Variants in EXD2 observed in about 807,000 individuals in gnomAD.
EXD2 encodes the protein exonuclease 3'-5' domain-containing protein 2.
EXD2 carries 40 observed loss-of-function variants against 62.5 expected under a neutral mutation model. That is an observed-to-expected ratio of 0.64 (90% CI 0.50 to 0.83). EXD2 has a LOEUF of 0.83. Ranked by LOEUF, EXD2 falls within the 40% of genes least tolerant of loss-of-function variation. The pLI is 0.00. For missense variants in EXD2, 671 were observed against 761.8 expected (o/e 0.88, Z 1.40); for synonymous variants, 239 against 291.9 (o/e 0.82, Z 1.85).
At chr14:69,238,253 C>T (rs1356924615) in intron 9 of EXD2, among the ~76,000 whole-genome samples, 4 of 152,144 alleles carry the variant, frequency 2.6e-5, no homozygotes, top group South Asian at 2.1e-4. Context: ...TCTATGCAGA[C>T]GTAAATCCTC....
At chr14:69,215,891 C>T (rs1384982219) in intron 3 of EXD2, among the ~76,000 whole-genome samples, 2 of 151,812 alleles carry the variant, frequency 1.3e-5, no homozygotes, top group Non-Finnish European at 1.5e-5. Flanking sequence ...CATATGAACC[C>T]TCCGGGAGTT....
At chr14:69,206,232 C>T (rs2042588853) in intron 2 of EXD2, among the ~76,000 whole-genome samples, 1 of 151,698 alleles carries the variant, frequency 6.6e-6, no homozygotes, top group African/African-American at 2.4e-5. Context: ...AGGAATTTTC[C>T]TCTTTCAAGG....
chr14:69,214,057 T>C (rs1057470961), intron 3 of EXD2: 4 of 152,218 alleles, frequency 2.6e-5, no homozygotes, highest in African/African-American at 9.6e-5. Flanking sequence ...TAAAGAGATT[T>C]TCTCTGGGTG....
intron 1 of EXD2, chr14:69,196,134 G>A (rs1390447885): frequency 6.6e-6 from 1 of 152,162 alleles, no homozygotes; most frequent in Non-Finnish European, 1.5e-5. Context: ...TCTTCAAATG[G>A]TCACCTTCCC....
At chr14:69,221,909 T>TAAAAAA (rs60647735) in intron 3 of EXD2, among the ~76,000 whole-genome samples, 39 of 52,056 alleles carry the variant, frequency 7.5e-4, no homozygotes, top group South Asian at 1.4e-3. Context: ...CTGTCTCTAC[T>TAAAAAA]AAAAAAAAAA....
intron 1 of EXD2, among the ~76,000 whole-genome samples, chr14:69,202,725 A>G (rs1310262038): frequency 6.6e-6 from 1 of 152,226 alleles, no homozygotes; most frequent in African/African-American, 2.4e-5. Context: ...TCTGAAAACA[A>G]ATATTCAGTT....
intron 3 of EXD2, among the ~76,000 whole-genome samples, chr14:69,212,250 G>A (rs531924573): frequency 7.2e-5 from 11 of 152,076 alleles, no homozygotes; most frequent in South Asian, 6.2e-4. Context: ...GGTAGCAGGC[G>A]CCTGTAATCC....
intron 1 of EXD2, among the ~76,000 whole-genome samples, chr14:69,201,714 G>A (rs1389514374): frequency 9.7e-6 from 1 of 103,538 alleles, no homozygotes; most frequent in Non-Finnish European, 1.7e-5. Flanking sequence ...ACAGAGTCTT[G>A]CTCTGTTGCC....
At chr14:69,213,309 C>T (rs1301743016) in intron 3 of EXD2, among the ~76,000 whole-genome samples, 2 of 150,878 alleles carry the variant, frequency 1.3e-5, no homozygotes, top group Non-Finnish European at 2.9e-5. Context: ...TCAAGTGATC[C>T]TCCTGCCTTG....
intron 9 of EXD2, among the ~76,000 whole-genome samples, chr14:69,238,872 C>T (rs1366389379): frequency 3.3e-5 from 5 of 152,142 alleles, no homozygotes; most frequent in Admixed American, 2.6e-4. Context: ...TGACCTCAAG[C>T]AATCCACCTG....
intron 3 of EXD2, 21 bp downstream of exon 3, chr14:69,209,824 T>TA (rs199733370): frequency 0.063 from 66,614 of 1,050,176 alleles, 11 homozygotes; most frequent in South Asian, 0.091. Context: ...AAGCAAAAGT[T>TA]AAAAAAAAAA....
Position 69,212,746 on chromosome 14 carries a change from C to T in EXD2, c.333+2943C>T, listed in dbSNP as rs1011581948. On this transcript the variant is annotated intron_variant, in intron 3 of 9. Coordinates refer to ENST00000685843, the MANE Select transcript of EXD2 (RefSeq NM_001193360.2). The stretch of plus-strand genomic sequence containing the variant: ...TTTTTGAGACAAGATCTTACTCTGT[C>T]ACCCAGGCTGGAGTGCAGTGGTGGG... Among the ~76,000 whole-genome samples the T allele has an allele frequency of 2.2e-5, 3 of 136,566 alleles. No homozygotes were observed. In the South Asian group the frequency reaches 7.1e-4, roughly 32 times the overall value. The allele number at this position is 136,566 out of a possible 152,430, so 89.6% of individuals were successfully genotyped here. A position where few individuals can be genotyped will look rare whatever the true frequency, so the allele number is the denominator to read the frequency against.
At chr14:69,193,661 G>A (rs117352495) in intron 1 of EXD2, among the ~76,000 whole-genome samples, 1,762 of 152,188 alleles carry the variant, frequency 0.012, 22 homozygotes, top group Non-Finnish European at 0.016. Context: ...GTTGTTGCTT[G>A]TCTTTTAACT....
chr14:69,220,440 T>C (rs1271910857), intron 3 of EXD2, among the ~76,000 whole-genome samples: 1 of 148,892 alleles, frequency 6.7e-6, no homozygotes. Flanking sequence ...CCGGCTAATT[T>C]TTTGTATTTT....
chr14:69,197,922 ATACTT>A (rs548031784), intron 1 of EXD2, among the ~76,000 whole-genome samples: 3 of 152,344 alleles, frequency 2.0e-5, no homozygotes, highest in African/African-American at 7.2e-5. Context: ...GATTAAATGA[ATACTT>A]TAATATGAGT....
At chr14:69,225,382 C>A (rs1036297053) in intron 3 of EXD2, among the ~76,000 whole-genome samples, 2 of 151,966 alleles carry the variant, frequency 1.3e-5, no homozygotes, top group Non-Finnish European at 2.9e-5. Context: ...ATGGATTATC[C>A]CCTGGCTCGT....
chr14:69,231,812 T>C (rs2043589227), intron 5 of EXD2, among the ~76,000 whole-genome samples: 1 of 130,812 alleles, frequency 7.6e-6, no homozygotes, highest in South Asian at 3.0e-4. Flanking sequence ...TTCTCTTTCA[T>C]AGTAGATCCT....
chr14:69,193,875 G>C (rs1219206353), intron 1 of EXD2, among the ~76,000 whole-genome samples: 1 of 152,086 alleles, frequency 6.6e-6, no homozygotes, highest in East Asian at 1.9e-4. Flanking sequence ...TGGTTATCTA[G>C]TGAGTAAAAG....
At chr14:69,215,282 T>G (rs2042949992) in intron 3 of EXD2, among the ~76,000 whole-genome samples, 2 of 149,278 alleles carry the variant, frequency 1.3e-5, no homozygotes, top group Admixed American at 1.3e-4. Context: ...ACAGCGAGAC[T>G]CCATCTCAAA....
Sources: allele counts gnomAD v4.1 joint callset (sites outside exome capture counted in the v4.1 genomes callset), GRCh38; gene constraint gnomAD v4.1.1; transcripts MANE v1.5; gene names NCBI Gene and HGNC (gene_info 2026-07-23, HGNC 2026-07-21).